CALD1: variants seen among roughly 807,000 people sequenced by gnomAD.
The protein encoded by CALD1 is caldesmon 1, also known as caldesmon.
Under a neutral mutation model 99.9 loss-of-function variants are expected in CALD1, and 33 were observed. The observed-to-expected ratio is 0.33, with a 90% CI of 0.25 to 0.44. CALD1 has a LOEUF of 0.44. Among genes scored for constraint, CALD1 ranks in the 20% least tolerant of loss-of-function variants. The pLI, the probability that CALD1 is intolerant of heterozygous loss-of-function variation, is 1.00. For synonymous variants in CALD1, 310 were observed against 325.0 expected (o/e 0.95, Z 0.50); for missense variants, 861 against 962.1 (o/e 0.89, Z 1.39).
In CALD1 at chr7:134,823,469, G is replaced by C. The variant is rs545250264; in HGVS notation, c.-129-20415G>C. On this transcript the variant is annotated intron_variant, in intron 1 of 14. Transcript: ENST00000361675. The stretch of plus-strand genomic sequence containing the variant: ...CACATTTTACATGGTGCTTGGTGTT[G>C]TAGAATTCAGCCTTTGTGTGTTCTT... Among the ~76,000 whole-genome samples, 75 of 152,262 alleles carry C rather than the reference G, an allele frequency of 4.9e-4. No homozygotes were observed. In the South Asian group the frequency reaches 0.016, roughly 32 times the overall value.
intron 2 of CALD1, among the ~76,000 whole-genome samples, chr7:134,844,941 C>T (rs763962230): frequency 5.3e-4 from 81 of 152,182 alleles, no homozygotes; most frequent in South Asian, 4.1e-4. Context: ...TCTCCAAATG[C>T]GGTTACATTC....
chr7:134,795,626 T>A (rs1291547161), intron 1 of CALD1, among the ~76,000 whole-genome samples: 1 of 152,182 alleles, frequency 6.6e-6, no homozygotes, highest in Non-Finnish European at 1.5e-5. Flanking sequence ...CCTCCTTTTC[T>A]TTCTTTCTCT....
chr7:134,968,002 C>T (rs1458391402), intron 14 of CALD1, among the ~76,000 whole-genome samples: 2 of 151,872 alleles, frequency 1.3e-5, no homozygotes, highest in African/African-American at 4.8e-5. Flanking sequence ...AAAAATTAGC[C>T]GGGCGTGGTG....
chr7:134,874,531 A>G (rs1376739727), intron 3 of CALD1, among the ~76,000 whole-genome samples: 1 of 152,174 alleles, frequency 6.6e-6, no homozygotes, highest in East Asian at 1.9e-4. Flanking sequence ...TCCAGCAGAC[A>G]TACTTGGCCG....
intron 2 of CALD1, among the ~76,000 whole-genome samples, chr7:134,866,138 G>A (rs1221582571): frequency 6.6e-6 from 1 of 152,258 alleles, no homozygotes; most frequent in African/African-American, 2.4e-5. Context: ...GTCAGAACAG[G>A]AGCCTACCCC....
chr7:134,771,549 C>G (rs572492667), intron 1 of CALD1, among the ~76,000 whole-genome samples: 12 of 152,330 alleles, frequency 7.9e-5, no homozygotes, highest in Admixed American at 1.3e-4. Context: ...CACCTGTCAC[C>G]TGGGAGGGGG....
intron 1 of CALD1, among the ~76,000 whole-genome samples, chr7:134,805,157 C>T (rs1798087647): frequency 6.6e-6 from 1 of 152,204 alleles, no homozygotes; most frequent in African/African-American, 2.4e-5. Flanking sequence ...TCCAGAAAAA[C>T]ACATCTTATA....
chr7:134,728,755 T>C, the CALD1 span, among the ~76,000 whole-genome samples: 1 of 152,158 alleles, frequency 6.6e-6, no homozygotes, highest in Non-Finnish European at 1.5e-5. Context: ...TATCGTTCTA[T>C]CCCTTGAGGT....
At chr7:134,748,708 T>TCCCACCCCCCCCCCCC (rs1796657552) in intron 1 of CALD1, among the ~76,000 whole-genome samples, 1 of 132,276 alleles carries the variant, frequency 7.6e-6, no homozygotes, top group Admixed American at 7.6e-5. Flanking sequence ...TGAAACTCCA[T>TCCCACCCCCCCCCCCC]CCCCCCGCCC....
At chr7:134,932,918 C>A in intron 4 of CALD1, 70 bp from the exon 5 acceptor site, 1 of 1,068,258 alleles carries the variant, frequency 9.4e-7, no homozygotes, top group Non-Finnish European at 1.4e-6. Context: ...CTGGGTAGCA[C>A]AGGCTGTATG....
chr7:134,804,460 C>G (rs181411128), intron 1 of CALD1, among the ~76,000 whole-genome samples: 3 of 152,158 alleles, frequency 2.0e-5, no homozygotes, highest in Non-Finnish European at 2.9e-5. Flanking sequence ...TTGGCATTTT[C>G]TAGGTTTGGT....
At chr7:134,922,548 A>G (rs1019440962) in intron 3 of CALD1, among the ~76,000 whole-genome samples, 1 of 152,244 alleles carries the variant, frequency 6.6e-6, no homozygotes, top group African/African-American at 2.4e-5. Context: ...GATGAAAATA[A>G]GAATTTTGCC....
chr7:134,934,241 T>C (rs74364650), intron 5 of CALD1, among the ~76,000 whole-genome samples, 164 bp downstream of exon 5: 2,242 of 152,306 alleles, frequency 0.015, 48 homozygotes, highest in African/African-American at 0.051. Context: ...CATGCAGCAA[T>C]TGATTGATGG....
At chr7:134,769,438 T>C (rs1242547764) in intron 1 of CALD1, among the ~76,000 whole-genome samples, 1 of 152,242 alleles carries the variant, frequency 6.6e-6, no homozygotes, top group Non-Finnish European at 1.5e-5. Flanking sequence ...TTTTTTTTCT[T>C]TACCAATCTG....
chr7:134,904,414 C>T (rs1803221590), intron 3 of CALD1, among the ~76,000 whole-genome samples: 1 of 151,452 alleles, frequency 6.6e-6, no homozygotes, highest in African/African-American at 2.4e-5. Flanking sequence ...AATCTCGTCT[C>T]TACGAAAACT....
chr7:134,814,638 T>A (rs1158095706), intron 1 of CALD1, among the ~76,000 whole-genome samples: 4 of 152,198 alleles, frequency 2.6e-5, no homozygotes, highest in Non-Finnish European at 5.9e-5. Context: ...CCTCTAACCC[T>A]ACGGAAGATG....
At chr7:134,854,087 A>G (rs1467509484) in intron 2 of CALD1, among the ~76,000 whole-genome samples, 1 of 152,044 alleles carries the variant, frequency 6.6e-6, no homozygotes, top group African/African-American at 2.4e-5. Context: ...TATATGTGCT[A>G]CATTTTTTTT....
At chr7:134,930,942 G>A (rs1024120416) in intron 4 of CALD1, among the ~76,000 whole-genome samples, 2 of 152,108 alleles carry the variant, frequency 1.3e-5, no homozygotes, top group East Asian at 3.9e-4. Flanking sequence ...TGCCTTTCCT[G>A]AATCTTGTTA....
At chr7:134,731,547 C>A in the CALD1 span, among the ~76,000 whole-genome samples, 1 of 152,058 alleles carries the variant, frequency 6.6e-6, no homozygotes, top group Non-Finnish European at 1.5e-5. Flanking sequence ...CATGATTGAC[C>A]CTGTTGCTCC....
Sources: allele counts gnomAD v4.1 joint callset (sites outside exome capture counted in the v4.1 genomes callset), GRCh38; gene constraint gnomAD v4.1.1; transcripts MANE v1.5; gene names NCBI Gene and HGNC (gene_info 2026-07-23, HGNC 2026-07-21).